NEDD4: variants seen among roughly 807,000 people sequenced by gnomAD.
NEDD4 encodes E3 ubiquitin-protein ligase NEDD4.
Under a neutral mutation model 144.9 loss-of-function variants are expected in NEDD4, and 99 were observed. The observed-to-expected ratio is 0.68, with a 90% CI of 0.58 to 0.81. The LOEUF is 0.81. NEDD4 is among the 30% of genes least tolerant of loss of function. NEDD4 has a pLI of 0.00. For synonymous variants in NEDD4, 318 were observed against 350.6 expected (o/e 0.91, Z 1.04); for missense variants, 985 against 1,065.9 (o/e 0.92, Z 1.06).
chr15:55,843,566 G>C (rs34333169), intron 18 of NEDD4, among the ~76,000 whole-genome samples: 10,076 of 152,156 alleles, frequency 0.066, 432 homozygotes, highest in Non-Finnish European at 0.098. Flanking sequence ...GGGGAAACCA[G>C]TAAGAGAAAA....
intron 4 of NEDD4, among the ~76,000 whole-genome samples, chr15:55,947,046 G>C (rs1428391805): frequency 6.6e-6 from 1 of 152,132 alleles, no homozygotes; most frequent in Admixed American, 6.5e-5. Context: ...ATGCCCACAA[G>C]AGAAAGCAGG....
rs143199945 is a variant in NEDD4 at position 55,930,674 on chromosome 15, G to A, written c.238-5975C>T. Among the ~76,000 whole-genome samples, 639 of 152,194 alleles carry A rather than the reference G, an allele frequency of 4.2e-3. 5 individuals carry two copies. The highest frequency in any genetic ancestry group is 0.015 in the African/African-American group (607 of 41,516). ...ATTGTAATAATCCAAATGTGTCAAC[G>A]GCAGGGCTAGGTGGAGATAATTGAA... On this transcript the variant is annotated intron_variant, in intron 4 of 28. Coordinates refer to ENST00000435532, the MANE Select transcript of NEDD4 (RefSeq NM_006154.4).
intron 14 of NEDD4, among the ~76,000 whole-genome samples, chr15:55,849,701 T>C (rs1429782151): frequency 6.7e-6 from 1 of 150,288 alleles, no homozygotes; most frequent in Non-Finnish European, 1.5e-5. Context: ...TTAATATTAT[T>C]AATTTATTAA....
intron 1 of NEDD4, among the ~76,000 whole-genome samples, chr15:55,983,124 T>C (rs1566978061): frequency 6.8e-6 from 1 of 147,314 alleles, no homozygotes. Flanking sequence ...CTCCATCTCT[T>C]AAAAAAAAAA....
At chr15:55,880,261 T>G (rs1481177345) in intron 5 of NEDD4, among the ~76,000 whole-genome samples, 1 of 151,716 alleles carries the variant, frequency 6.6e-6, no homozygotes, top group East Asian at 1.9e-4. Flanking sequence ...CATTGCACGC[T>G]AGTCTGGGTG....
intron 4 of NEDD4, among the ~76,000 whole-genome samples, chr15:55,937,901 A>G (rs2036923508): frequency 6.6e-6 from 1 of 152,230 alleles, no homozygotes; most frequent in Non-Finnish European, 1.5e-5. Context: ...ATAGTTCCTG[A>G]TTTCCAAATA....
At chr15:55,944,134 G>A (rs2037063196) in intron 4 of NEDD4, among the ~76,000 whole-genome samples, 1 of 152,208 alleles carries the variant, frequency 6.6e-6, no homozygotes, top group Admixed American at 6.5e-5. Flanking sequence ...ATTTGGACTG[G>A]CTGGACAGTG....
At chr15:55,861,805 A>G (rs1428711770) in intron 9 of NEDD4, among the ~76,000 whole-genome samples, 1 of 152,234 alleles carries the variant, frequency 6.6e-6, no homozygotes, top group East Asian at 1.9e-4. Flanking sequence ...ATTTAATAAT[A>G]AAATTACTGT....
rs1365670544 is a variant in NEDD4 at position 55,842,078 on chromosome 15, C to T, written c.1694G>A (p.Arg565Lys). The T allele has an allele frequency of 1.2e-6, 2 of 1,614,194 alleles. No individual in the cohort carries two copies. Among genetic ancestry groups the T allele is most frequent in the Non-Finnish European group, 1.7e-6 (2 of 1,180,034 alleles). ...CAGTCGAGCCTTCAGGAAGTCTGCT[C>T]TCTTGACACCCATAATTCTCCGGTA... ...DSYRRIMGVK[R>K]ADFLKARLWI... The change falls in exon 19 of 29, where the codon AGA becomes AAA. Residue 565 changes from arginine (R) to lysine (K), a missense_variant. Coordinates refer to ENST00000435532, the MANE Select transcript of NEDD4 (RefSeq NM_006154.4).
chr15:55,865,728 T>C (rs1323498347), intron 8 of NEDD4, among the ~76,000 whole-genome samples: 2 of 151,828 alleles, frequency 1.3e-5, no homozygotes, highest in African/African-American at 4.8e-5. Flanking sequence ...TTCTTCCACG[T>C]TGGAAGGCTA....
intron 18 of NEDD4, 123 bp downstream of exon 18, chr15:55,846,846 G>T: frequency 1.8e-6 from 1 of 550,160 alleles, no homozygotes. Flanking sequence ...CCTTTCTCTA[G>T]GAAAAACTGT....
chr15:55,915,779 CT>C, intron 5 of NEDD4: 1 of 1,613,640 alleles, frequency 6.2e-7, no homozygotes, highest in Non-Finnish European at 8.5e-7. Flanking sequence ...CAATTTTCTT[CT>C]GTAACGAGCC....
At chr15:55,992,714 T>C (rs1176370973) in intron 1 of NEDD4, among the ~76,000 whole-genome samples, 1 of 152,220 alleles carries the variant, frequency 6.6e-6, no homozygotes, top group Non-Finnish European at 1.5e-5. Context: ...CAAATGGTCG[T>C]ACAATATTTT....
intron 11 of NEDD4, among the ~76,000 whole-genome samples, chr15:55,858,658 GA>G (rs1396681411): frequency 2.0e-5 from 3 of 152,184 alleles, no homozygotes. Context: ...GTGAAAAAAT[GA>G]AATGAATGGA....
intron 11 of NEDD4, among the ~76,000 whole-genome samples, chr15:55,856,633 T>C (rs1215820600): frequency 6.6e-6 from 1 of 152,212 alleles, no homozygotes; most frequent in East Asian, 1.9e-4. Flanking sequence ...CATCCTGCAA[T>C]GCACAGCCAG....
At chr15:55,862,487 C>T (rs1451691271) in intron 9 of NEDD4, among the ~76,000 whole-genome samples, 1 of 152,016 alleles carries the variant, frequency 6.6e-6, no homozygotes. Context: ...GCGCGTTTAA[C>T]GTAATACCCT....
intron 4 of NEDD4, among the ~76,000 whole-genome samples, chr15:55,947,319 AG>A (rs377603445): frequency 0.069 from 10,438 of 152,290 alleles, 472 homozygotes; most frequent in Non-Finnish European, 0.1. Flanking sequence ...AAAATGATAA[AG>A]GGGATATCAC....
At chr15:55,958,548 T>C (rs1199608068) in intron 2 of NEDD4, among the ~76,000 whole-genome samples, 1 of 152,156 alleles carries the variant, frequency 6.6e-6, no homozygotes, top group Non-Finnish European at 1.5e-5. Flanking sequence ...CGTGTTTGTG[T>C]AGAATTTTTA....
chr15:55,953,033 A>C (rs1375004049), intron 2 of NEDD4, among the ~76,000 whole-genome samples: 1 of 149,210 alleles, frequency 6.7e-6, no homozygotes, highest in South Asian at 2.1e-4. Flanking sequence ...TCTGTTGCCC[A>C]GGCTGGAGTG....
Sources: gnomAD v4.1 joint callset for allele counts (sites outside exome capture counted in the v4.1 genomes callset) on GRCh38, gnomAD v4.1.1 for gene constraint, MANE v1.5 for transcripts, NCBI Gene and HGNC (gene_info 2026-07-23, HGNC 2026-07-21) for gene names.